Variants in LRP6 observed in about 807,000 individuals in gnomAD.
LRP6 encodes the protein LDL receptor related protein 6, also known as low-density lipoprotein receptor-related protein 6.
In LRP6, 43 loss-of-function variants were observed where a neutral mutation model predicts 184.1. The ratio of observed to expected loss-of-function variants is 0.23; its 90% confidence interval spans 0.18 to 0.30. The LOEUF (loss-of-function observed/expected upper bound fraction) is 0.30, where lower values mean the gene tolerates loss of function less well. LRP6 is among the 10% of genes least tolerant of loss of function. The pLI is 1.00. For synonymous variants in LRP6, 719 were observed against 684.9 expected, an observed-to-expected ratio of 1.05 and a Z score of -0.78; for missense variants, 1,571 against 2,005.3, an observed-to-expected ratio of 0.78 and a Z score of 4.14.
At chr12:12,185,466 C>A (rs935879364) in intron 4 of LRP6, among the ~76,000 whole-genome samples, 35 of 152,118 alleles carry the variant, frequency 2.3e-4, no homozygotes, top group African/African-American at 8.0e-4. Flanking sequence ...GATTATCTCC[C>A]CCTAAATGGA....
Position 12,125,401 on chromosome 12 carries a change from G to A in LRP6, c.4344C>T (p.Ser1448=), listed in dbSNP as rs148272212. 62 of 1,613,778 alleles carry A rather than the reference G, an allele frequency of 3.8e-5. No individual in the cohort carries two copies. The African/African-American group carries it at 7.6e-4, about 20-fold the overall frequency. ...GMSRGKSMIS[S]LSIMGGSSGP... ...CACTGCTTCCCCCCATGATACTGAG[G>A]GAGCTGATCATTGATTTACCTCGAG... The change falls in exon 21 of 23, where the codon TCC becomes TCT. Residue 1448 remains serine, a synonymous_variant. Coordinates refer to ENST00000261349, the MANE Select transcript of LRP6 (RefSeq NM_002336.3).
intron 1 of LRP6, among the ~76,000 whole-genome samples, chr12:12,257,997 G>A (rs1241312920): frequency 1.3e-5 from 2 of 150,798 alleles, no homozygotes; most frequent in African/African-American, 4.9e-5. Flanking sequence ...AATTATATCA[G>A]TGCAATAGTT....
rs527481882 is a variant in LRP6 at position 12,207,698 on chromosome 12, T to C, written c.450-4298A>G. Among the ~76,000 whole-genome samples, 21 of 152,180 alleles carry C rather than the reference T, an allele frequency of 1.4e-4. No homozygotes were observed. In the South Asian group the frequency reaches 3.7e-3, roughly 27 times the overall value. On this transcript the variant is annotated intron_variant, in intron 2 of 22. Transcript: ENST00000261349. Reference sequence around the variant, plus strand: ...GCCTTAAGTGGATATTCATGCTTAGTAGTCAGGAAGGCTGTCTGCATGTGT... The same window carrying C: ...GCCTTAAGTGGATATTCATGCTTAGCAGTCAGGAAGGCTGTCTGCATGTGT...
At chr12:12,255,539 C>T (rs1339795085) in intron 1 of LRP6, among the ~76,000 whole-genome samples, 1 of 143,108 alleles carries the variant, frequency 7.0e-6, no homozygotes, top group Admixed American at 7.0e-5. Context: ...CTAAGTCTAG[C>T]TTTGTTTTTG....
intron 7 of LRP6, among the ~76,000 whole-genome samples, chr12:12,171,439 G>A (rs938043363): frequency 7.9e-5 from 12 of 152,038 alleles, no homozygotes; most frequent in South Asian, 2.1e-4. Context: ...GGAGGATGGC[G>A]TGAACCCGGG....
chr12:12,202,280 T>C (rs993535708), intron 3 of LRP6, among the ~76,000 whole-genome samples: 2 of 152,260 alleles, frequency 1.3e-5, no homozygotes, highest in Non-Finnish European at 2.9e-5. Flanking sequence ...CTATGGCTGA[T>C]GCCTGTAATT....
chr12:12,127,296 C>T (rs938659987), intron 19 of LRP6, among the ~76,000 whole-genome samples: 6 of 152,058 alleles, frequency 3.9e-5, no homozygotes, highest in South Asian at 2.1e-4. Flanking sequence ...AAATGAACAA[C>T]GGTATTCCAA....
chr12:12,247,754 T>C (rs954586778), intron 1 of LRP6, among the ~76,000 whole-genome samples: 2 of 152,226 alleles, frequency 1.3e-5, no homozygotes, highest in African/African-American at 4.8e-5. Flanking sequence ...ACAGATACAC[T>C]GGAACCACAT....
intron 2 of LRP6, among the ~76,000 whole-genome samples, chr12:12,227,935 G>A (rs1248780462): frequency 6.6e-6 from 1 of 152,168 alleles, no homozygotes. Flanking sequence ...GGCAAGAGGG[G>A]AGCCCTTTCT....
intron 3 of LRP6, among the ~76,000 whole-genome samples, chr12:12,194,126 C>T (rs775335809): frequency 3.3e-5 from 5 of 151,938 alleles, no homozygotes; most frequent in East Asian, 1.9e-4. Flanking sequence ...GAAAAAGGAA[C>T]GGACAAAATC....
chr12:12,162,438 A>T lies in LRP6; in HGVS notation c.2053-19T>A. 1 of 1,590,902 alleles carries T rather than the reference A, an allele frequency of 6.3e-7. No individual in the cohort carries two copies. Among genetic ancestry groups the T allele is most frequent in the Non-Finnish European group, 8.6e-7 (1 of 1,158,832 alleles). ...TGATGGTCTGCAAAAGAACATTAAC[A>T]ACTAAGTCATATGGCATAAGTCTAA... On this transcript the variant is annotated intron_variant, in intron 9 of 22. Coordinates refer to ENST00000261349, the MANE Select transcript of LRP6 (RefSeq NM_002336.3).
In LRP6 at chr12:12,119,856, G is replaced by A. The variant is rs936521747; in HGVS notation, c.*1270C>T. ...TGTAGACATTATTCTGAGAAAAACC[G>A]GTCTAAAGAACATGAAAACATCACA... On this transcript the variant is annotated 3_prime_UTR_variant, in exon 23 of 23. Coordinates refer to ENST00000261349, the MANE Select transcript of LRP6 (RefSeq NM_002336.3). 1.3e-5 allele frequency: 2 copies of A among 150,122 alleles called. No homozygotes were observed. Among genetic ancestry groups the A allele is most frequent in the Non-Finnish European group, 1.5e-5 (1 of 67,620 alleles). 9.3% of individuals were successfully genotyped at this position (150,122 alleles called of 1,614,324 possible).
chr12:12,251,268 T>C (rs542708399), intron 1 of LRP6, among the ~76,000 whole-genome samples: 1 of 152,346 alleles, frequency 6.6e-6, no homozygotes, highest in African/African-American at 2.4e-5. Flanking sequence ...ATTTGTAAGA[T>C]GTTTTTAAGT....
In LRP6 at chr12:12,266,903, C is replaced by T; in HGVS notation, c.-168G>A. ...GTCAAGGTTCCGCGCGCGCCGCCGC[C>T]GCCCTCTCTACCGCGCCGCTCGGCC... On this transcript the variant is annotated 5_prime_UTR_variant, in exon 1 of 23. Coordinates refer to ENST00000261349, the MANE Select transcript of LRP6 (RefSeq NM_002336.3). 4.5e-6 allele frequency: 3 copies of T among 669,990 alleles called. No homozygotes were observed. The highest frequency in any genetic ancestry group is 1.7e-5 in the South Asian group (1 of 58,490). 41.5% of individuals were successfully genotyped at this position (669,990 alleles called of 1,614,324 possible). A position where few individuals can be genotyped will look rare whatever the true frequency, so the allele number is the denominator to read the frequency against.
chr12:12,199,871 G>C (rs1863866418), intron 3 of LRP6, among the ~76,000 whole-genome samples: 1 of 143,408 alleles, frequency 7.0e-6, no homozygotes, highest in Non-Finnish European at 1.5e-5. Context: ...GGCTGAGTCA[G>C]GAGAATCGCT....
At chr12:12,132,872 G>A (rs923821736) in intron 17 of LRP6, among the ~76,000 whole-genome samples, 1 of 152,148 alleles carries the variant, frequency 6.6e-6, no homozygotes, top group Non-Finnish European at 1.5e-5. Context: ...AAAATGGAAT[G>A]TCATTTTTAC....
In LRP6 at chr12:12,117,209, T is replaced by G. The variant is rs992427437; in HGVS notation, c.*3917A>C. The G allele has an allele frequency of 5.3e-5, 8 of 152,224 alleles. No individual in the cohort carries two copies. Among genetic ancestry groups the G allele is most frequent in the Admixed American group, 5.2e-4 (8 of 15,276 alleles). 9.4% of individuals were successfully genotyped at this position (152,224 alleles called of 1,614,324 possible). ...CCAAATAAAATTAAATTCCTTGGGTTTAAGAATTCTGATAATGTTTTAAAC... is the reference window on the plus strand; with the variant it reads ...CCAAATAAAATTAAATTCCTTGGGTGTAAGAATTCTGATAATGTTTTAAAC... On this transcript the variant is annotated 3_prime_UTR_variant, in exon 23 of 23. Coordinates refer to ENST00000261349, the MANE Select transcript of LRP6 (RefSeq NM_002336.3).
At chr12:12,203,430 G>A (rs759914605) in intron 2 of LRP6, 30 bp from the exon 3 acceptor site, 16 of 1,531,926 alleles carry the variant, frequency 1.0e-5, no homozygotes, top group African/African-American at 1.4e-5. Context: ...TTAAAGCCAT[G>A]ACAGAGCAGA....
At position 12,258,851 on chromosome 12, in the gene LRP6, G is replaced by A. The variant is rs1018401244; in HGVS notation, c.55+7830C>T. On this transcript the variant is annotated intron_variant, in intron 1 of 22. Coordinates refer to ENST00000261349, the MANE Select transcript of LRP6 (RefSeq NM_002336.3). ...CTTGCAGTCCTTTACTTGTAGTTTG[G>A]GTCTTGTAGTGATAAAACAATGACT... Among the ~76,000 whole-genome samples, 7 of 152,118 alleles carry A rather than the reference G, an allele frequency of 4.6e-5. No individual in the cohort carries two copies. The East Asian group carries it at 5.8e-4, about 13-fold the overall frequency.
Sources: gnomAD v4.1 joint callset for allele counts (sites outside exome capture counted in the v4.1 genomes callset) on GRCh38, gnomAD v4.1.1 for gene constraint, MANE v1.5 for transcripts, NCBI Gene and HGNC (gene_info 2026-07-23, HGNC 2026-07-21) for gene names.